PCDH9: variants seen among roughly 807,000 people sequenced by gnomAD.
The protein encoded by PCDH9 is protocadherin-9.
A neutral mutation model predicts 70.6 loss-of-function variants in PCDH9; 24 were observed. That is an observed-to-expected ratio of 0.34 (90% CI 0.25 to 0.48). The LOEUF (loss-of-function observed/expected upper bound fraction) is 0.48, where lower values mean the gene tolerates loss of function less well. Among genes scored for constraint, PCDH9 ranks in the 20% least tolerant of loss-of-function variants. The probability of loss-of-function intolerance (pLI) is 0.99; values close to 1 mark genes in which losing one functional copy is unlikely to be tolerated. For missense variants in PCDH9, 1,281 were observed against 1,503.6 expected, an observed-to-expected ratio of 0.85 and a Z score of 2.45; for synonymous variants, 562 against 558.5, an observed-to-expected ratio of 1.01 and a Z score of -0.09.
chr13:66,763,729 C>T (rs2079664658), intron 3 of PCDH9, among the ~76,000 whole-genome samples: 1 of 152,054 alleles, frequency 6.6e-6, no homozygotes, highest in African/African-American at 2.4e-5. Flanking sequence ...GATTCTTTGA[C>T]AAGGGTTGCC....
intron 3 of PCDH9, among the ~76,000 whole-genome samples, chr13:66,742,679 C>T (rs1447383339): frequency 8.9e-4 from 110 of 123,102 alleles, no homozygotes; most frequent in Admixed American, 2.0e-3. Context: ...AAAAAGTGGG[C>T]GAAGGACATG....
At chr13:66,522,475 A>G (rs1312362273) in intron 4 of PCDH9, among the ~76,000 whole-genome samples, 1 of 152,148 alleles carries the variant, frequency 6.6e-6, no homozygotes, top group African/African-American at 2.4e-5. Flanking sequence ...CAACTGTCAC[A>G]TAGCTTATGC....
chr13:66,327,809 T>A (rs1049542501), intron 4 of PCDH9, among the ~76,000 whole-genome samples: 1 of 152,202 alleles, frequency 6.6e-6, no homozygotes, highest in African/African-American at 2.4e-5. Flanking sequence ...ATAATCATTA[T>A]AAAGTAAAAT....
chr13:66,669,117 T>C (rs1409293442), intron 3 of PCDH9, among the ~76,000 whole-genome samples: 2 of 152,212 alleles, frequency 1.3e-5, no homozygotes, highest in African/African-American at 2.4e-5. Flanking sequence ...TGTGCCCTTG[T>C]GCATCTCAGG....
chr13:66,778,687 A>G (rs980340769), intron 3 of PCDH9, among the ~76,000 whole-genome samples: 2 of 152,246 alleles, frequency 1.3e-5, no homozygotes, highest in African/African-American at 4.8e-5. Flanking sequence ...ATTATTTCAC[A>G]TAAGTCCAGA....
At chr13:67,108,777 A>G (rs2086597812) in intron 2 of PCDH9, among the ~76,000 whole-genome samples, 1 of 152,226 alleles carries the variant, frequency 6.6e-6, no homozygotes, top group South Asian at 2.1e-4. Context: ...ACATTTTAAT[A>G]AATTTGAATA....
chr13:66,761,343 C>T (rs1236428761), intron 3 of PCDH9, among the ~76,000 whole-genome samples: 3 of 152,118 alleles, frequency 2.0e-5, no homozygotes, highest in African/African-American at 7.2e-5. Flanking sequence ...ATATTGGGGG[C>T]TGGCTCCCCC....
chr13:66,347,702 T>C (rs530408387), intron 4 of PCDH9, among the ~76,000 whole-genome samples: 16 of 152,270 alleles, frequency 1.1e-4, no homozygotes, highest in African/African-American at 3.6e-4. Context: ...TGGTCAGCCA[T>C]TTTAGATGGT....
intron 4 of PCDH9, among the ~76,000 whole-genome samples, chr13:66,570,405 AC>A (rs2076717914): frequency 1.3e-5 from 2 of 152,106 alleles, no homozygotes; most frequent in Admixed American, 6.6e-5. Flanking sequence ...ACTAAATATA[AC>A]ACAGACACAC....
At chr13:66,713,073 C>A (rs548714388) in intron 3 of PCDH9, among the ~76,000 whole-genome samples, 1 of 152,090 alleles carries the variant, frequency 6.6e-6, no homozygotes, top group African/African-American at 2.4e-5. Flanking sequence ...TCAAATGGCA[C>A]ATTAATTTTT....
chr13:66,687,587 T>C (rs1270295062), intron 3 of PCDH9, among the ~76,000 whole-genome samples: 2 of 152,176 alleles, frequency 1.3e-5, no homozygotes, highest in Non-Finnish European at 2.9e-5. Flanking sequence ...TGGATAACCA[T>C]AATTACATAT....
chr13:66,936,136 G>A (rs1447739410), intron 2 of PCDH9, among the ~76,000 whole-genome samples: 1 of 151,998 alleles, frequency 6.6e-6, no homozygotes, highest in Non-Finnish European at 1.5e-5. Flanking sequence ...AAATTAATAG[G>A]CATTTCTTTG....
chr13:66,795,640 C>T (rs1025522287), intron 3 of PCDH9, among the ~76,000 whole-genome samples: 2 of 152,044 alleles, frequency 1.3e-5, no homozygotes, highest in Admixed American at 1.3e-4. Flanking sequence ...AGATATTCTG[C>T]CACATTCAAA....
At chr13:66,749,509 G>C (rs538985076) in intron 3 of PCDH9, among the ~76,000 whole-genome samples, 10 of 152,258 alleles carry the variant, frequency 6.6e-5, no homozygotes, top group African/African-American at 2.4e-4. Flanking sequence ...AACTGGTTTA[G>C]AGTCCAAGGG....
chr13:67,127,553 A>G (rs866355257), intron 2 of PCDH9, among the ~76,000 whole-genome samples: 2 of 152,004 alleles, frequency 1.3e-5, no homozygotes, highest in African/African-American at 4.8e-5. Context: ...CCTTTTTTGC[A>G]CTACAACAGA....
At chr13:66,839,665 C>T (rs2081083097) in intron 3 of PCDH9, among the ~76,000 whole-genome samples, 1 of 152,134 alleles carries the variant, frequency 6.6e-6, no homozygotes, top group Non-Finnish European at 1.5e-5. Context: ...TTCAAAAATA[C>T]CTCTCTGATA....
At chr13:66,349,436 T>G (rs1755806) in intron 4 of PCDH9, among the ~76,000 whole-genome samples, 151,875 of 152,326 alleles carry the variant, frequency 1, 75,714 homozygotes, top group East Asian at 1. Flanking sequence ...ACAAGAGAGG[T>G]TTTCCTCCCA....
At chr13:66,888,594 G>A (rs1306613618) in intron 3 of PCDH9, among the ~76,000 whole-genome samples, 1 of 151,330 alleles carries the variant, frequency 6.6e-6, no homozygotes, top group Non-Finnish European at 1.5e-5. Context: ...AAGAAAATGG[G>A]CAGGTAAATC....
intron 3 of PCDH9, among the ~76,000 whole-genome samples, chr13:66,809,240 G>A (rs1358184043): frequency 9.2e-5 from 14 of 152,206 alleles, no homozygotes; most frequent in Admixed American, 5.2e-4. Context: ...GAGCCACCGC[G>A]CCAGGCCTTT....
Sources: gnomAD v4.1 joint callset for allele counts (sites outside exome capture counted in the v4.1 genomes callset) on GRCh38, gnomAD v4.1.1 for gene constraint, MANE v1.5 for transcripts, NCBI Gene and HGNC (gene_info 2026-07-23, HGNC 2026-07-21) for gene names.